The following EML4 variants were observed in gnomAD, a reference collection of about 807,000 sequenced individuals.
EML4 encodes echinoderm microtubule-associated protein-like 4.
In EML4, 72 loss-of-function variants were observed where a neutral mutation model predicts 129.0. The observed-to-expected ratio is 0.56, with a 90% confidence interval of 0.46 to 0.68. The LOEUF (loss-of-function observed/expected upper bound fraction) is 0.68. EML4 is among the 30% of genes least tolerant of loss of function. The pLI is 0.00. For synonymous variants in EML4, 532 were observed against 405.0 expected (o/e 1.31, Z -3.77); for missense variants, 1,363 against 1,190.6 (o/e 1.14, Z -2.13).
At chr2:42,211,112 A>G (rs1243353550) in intron 1 of EML4, among the ~76,000 whole-genome samples, 4 of 152,196 alleles carry the variant, frequency 2.6e-5, no homozygotes, top group Non-Finnish European at 5.9e-5. Context: ...ATTGATTGAA[A>G]TACCTATAAT....
chr2:42,258,519 G>A (rs1010090828), intron 3 of EML4, among the ~76,000 whole-genome samples: 1 of 152,098 alleles, frequency 6.6e-6, no homozygotes, highest in Non-Finnish European at 1.5e-5. Flanking sequence ...TCCTGCTGCA[G>A]CACCCGGAGT....
intron 6 of EML4, among the ~76,000 whole-genome samples, chr2:42,277,031 G>C (rs1666695907): frequency 6.6e-6 from 1 of 152,084 alleles, no homozygotes; most frequent in Non-Finnish European, 1.5e-5. Context: ...TCTGAGCTGT[G>C]CCTGTTCAAA....
chr2:42,228,705 T>G (rs1188116855), intron 1 of EML4, among the ~76,000 whole-genome samples: 3 of 152,198 alleles, frequency 2.0e-5, no homozygotes, highest in African/African-American at 7.2e-5. Context: ...TGACTGACTT[T>G]CTGTGAGTTC....
At chr2:42,222,852 G>A (rs1398442784) in intron 1 of EML4, among the ~76,000 whole-genome samples, 1 of 152,094 alleles carries the variant, frequency 6.6e-6, no homozygotes, top group Non-Finnish European at 1.5e-5. Context: ...AGGCTGGAGT[G>A]CAATGGTGCA....
chr2:42,322,107 T>C (rs529433503), intron 19 of EML4, among the ~76,000 whole-genome samples: 23 of 152,368 alleles, frequency 1.5e-4, no homozygotes, highest in African/African-American at 5.1e-4. Context: ...GCAGATAGAC[T>C]GATGGAACAG....
intron 1 of EML4, among the ~76,000 whole-genome samples, chr2:42,201,017 T>C (rs1672200531): frequency 6.6e-6 from 1 of 152,210 alleles, no homozygotes; most frequent in Non-Finnish European, 1.5e-5. Flanking sequence ...TCTATAGCAG[T>C]AATATGACAG....
intron 2 of EML4, 113 bp from the exon 3 acceptor site, chr2:42,256,388 T>A (rs1056086164): frequency 1.0e-6 from 1 of 977,014 alleles, no homozygotes; most frequent in African/African-American, 1.7e-5. Flanking sequence ...AACAATAATA[T>A]ACTTAATTTT....
chr2:42,265,697 C>G (rs1318209022), intron 6 of EML4, among the ~76,000 whole-genome samples: 1 of 151,958 alleles, frequency 6.6e-6, no homozygotes, highest in East Asian at 1.9e-4. Context: ...TAAATTTTAA[C>G]TCAGTTTCCT....
In EML4 at chr2:42,331,338, G is replaced by A; in HGVS notation, c.*1131G>A. 4.5e-6 allele frequency: 1 copy of A among 223,944 alleles called. No individual in the cohort carries two copies. Among genetic ancestry groups the A allele is most frequent in the Non-Finnish European group, 8.9e-6 (1 of 111,998 alleles). The allele number at this position is 223,944 out of a possible 1,614,324, so 13.9% of individuals were successfully genotyped here. A position where few individuals can be genotyped will look rare whatever the true frequency, so the allele number is the denominator to read the frequency against. ...GCAGTTTTTTTCTGGTGGAGTTGCT[G>A]TAAGTCTTGTAAGTCTAATGTGGCT... On this transcript the variant is annotated 3_prime_UTR_variant, in exon 23 of 23. Transcript: ENST00000318522.
At chr2:42,201,061 G>A (rs532461540) in intron 1 of EML4, among the ~76,000 whole-genome samples, 4 of 152,240 alleles carry the variant, frequency 2.6e-5, no homozygotes, top group African/African-American at 9.6e-5. Flanking sequence ...TTAAGTGAAG[G>A]ATACCTGTAT....
At chr2:42,224,957 T>A (rs949002348) in intron 1 of EML4, among the ~76,000 whole-genome samples, 1 of 152,124 alleles carries the variant, frequency 6.6e-6, no homozygotes, top group East Asian at 1.9e-4. Context: ...CTCTTCTGTT[T>A]CAATGAATTT....
At chr2:42,270,974 C>T (rs11692629) in intron 6 of EML4, among the ~76,000 whole-genome samples, 34,564 of 152,128 alleles carry the variant, frequency 0.23, 4,772 homozygotes, top group East Asian at 0.56. Context: ...CAGCTCACTG[C>T]AGCCTTGACC....
At chr2:42,233,605 C>A (rs947512859) in intron 1 of EML4, among the ~76,000 whole-genome samples, 2 of 152,150 alleles carry the variant, frequency 1.3e-5, no homozygotes, top group African/African-American at 2.4e-5. Flanking sequence ...CCGCACCCAG[C>A]CCCTATTACA....
intron 1 of EML4, among the ~76,000 whole-genome samples, chr2:42,227,629 C>A (rs113840106): frequency 7.2e-5 from 11 of 152,124 alleles, no homozygotes; most frequent in Non-Finnish European, 1.6e-4. Flanking sequence ...CTGTGTGGGT[C>A]CACTTATATA....
intron 1 of EML4, among the ~76,000 whole-genome samples, chr2:42,239,084 T>C (rs540116188): frequency 1.3e-5 from 2 of 152,362 alleles, no homozygotes; most frequent in African/African-American, 4.8e-5. Context: ...ATTAGAAGTA[T>C]AATAGCCTCT....
intron 1 of EML4, among the ~76,000 whole-genome samples, chr2:42,179,343 A>C (rs1473019480): frequency 6.6e-6 from 1 of 151,910 alleles, no homozygotes; most frequent in Non-Finnish European, 1.5e-5. Flanking sequence ...AGATGTGGTA[A>C]CTAAATGAAC....
intron 6 of EML4, among the ~76,000 whole-genome samples, chr2:42,280,488 T>G (rs1034724649): frequency 6.6e-6 from 1 of 152,234 alleles, no homozygotes; most frequent in Non-Finnish European, 1.5e-5. Flanking sequence ...TCTGTTATAC[T>G]GAATATATGC....
rs1269052728 is a variant in EML4, at chr2:42,332,069, A to G, written c.*1862A>G. On this transcript the variant is annotated 3_prime_UTR_variant, in exon 23 of 23. Coordinates refer to ENST00000318522, the MANE Select transcript of EML4 (RefSeq NM_019063.5). ...AGGCATATATATCTGTCTGTTAGCA[A>G]TGATTATTACATCATCAGATCAGCA... 4.5e-6 allele frequency: 1 copy of G among 222,044 alleles called. No homozygotes were observed. Among genetic ancestry groups the G allele is most frequent in the African/African-American group, 2.2e-5 (1 of 44,698 alleles). 13.8% of individuals were successfully genotyped at this position (222,044 alleles called of 1,614,324 possible). A position where few individuals can be genotyped will look rare whatever the true frequency, so the allele number is the denominator to read the frequency against.
At chr2:42,206,989 A>G (rs887899810) in intron 1 of EML4, among the ~76,000 whole-genome samples, 2 of 152,194 alleles carry the variant, frequency 1.3e-5, no homozygotes, top group African/African-American at 4.8e-5. Flanking sequence ...TGGCAGTTTT[A>G]TAGGGATCTA....
Sources: gnomAD v4.1 joint callset for allele counts (sites outside exome capture counted in the v4.1 genomes callset) on GRCh38, gnomAD v4.1.1 for gene constraint, MANE v1.5 for transcripts, NCBI Gene and HGNC (gene_info 2026-07-23, HGNC 2026-07-21) for gene names.